The following TUT7 variants were observed in gnomAD, a reference collection of about 807,000 sequenced individuals.
The protein encoded by TUT7 is terminal uridylyl transferase 7.
A neutral mutation model predicts 165.9 loss-of-function variants in TUT7; 33 were observed. That is an observed-to-expected ratio of 0.20 (90% confidence interval 0.15 to 0.27). The LOEUF (loss-of-function observed/expected upper bound fraction) is 0.27, where lower values mean the gene tolerates loss of function less well. Ranked by LOEUF, TUT7 falls within the 10% of genes least tolerant of loss-of-function variation. The pLI is 1.00. For synonymous variants in TUT7, 552 were observed against 608.1 expected (o/e 0.91, Z 1.36); for missense variants, 1,338 against 1,762.3 (o/e 0.76, Z 4.31).
At chr9:86,306,684 G>A (rs1023280587) in intron 22 of TUT7, among the ~76,000 whole-genome samples, 1 of 152,200 alleles carries the variant, frequency 6.6e-6, no homozygotes, top group East Asian at 1.9e-4. Flanking sequence ...GTGTGTGCCT[G>A]TAGTCCCAGC....
chr9:86,312,761 T>C (rs1053444166), intron 17 of TUT7, among the ~76,000 whole-genome samples: 8 of 152,216 alleles, frequency 5.3e-5, no homozygotes, highest in African/African-American at 9.6e-5. Context: ...CATTTTGTTC[T>C]GTACTAAGAA....
chr9:86,327,868 A>C (rs992286200), intron 11 of TUT7, among the ~76,000 whole-genome samples: 1 of 152,204 alleles, frequency 6.6e-6, no homozygotes, highest in Non-Finnish European at 1.5e-5. Flanking sequence ...TCTTATTCTT[A>C]TTACTAGGAT....
intron 2 of TUT7, among the ~76,000 whole-genome samples, chr9:86,351,834 T>G (rs1832329934): frequency 6.6e-6 from 1 of 152,222 alleles, no homozygotes; most frequent in Admixed American, 6.5e-5. Flanking sequence ...TACAAGTCCA[T>G]GTTTCCAACT....
intron 22 of TUT7, among the ~76,000 whole-genome samples, chr9:86,305,614 A>T (rs1827393689): frequency 6.6e-6 from 1 of 152,218 alleles, no homozygotes; most frequent in Admixed American, 6.5e-5. Flanking sequence ...GATATTACTT[A>T]ATGACACTAG....
intron 26 of TUT7, among the ~76,000 whole-genome samples, chr9:86,299,227 G>A (rs1359891832): frequency 6.6e-6 from 1 of 152,178 alleles, no homozygotes; most frequent in Non-Finnish European, 1.5e-5. Flanking sequence ...TGGTTTCAAT[G>A]GGACAGGTGA....
At position 86,288,572 on chromosome 9, in the gene TUT7, A is replaced by T; in HGVS notation, c.*105T>A. Reference sequence around the variant, plus strand: ...AAATCTGACATTTCCCTTAAATGTTAAGTTGAAGCCTGATCTACACTGCTG... The same window carrying T: ...AAATCTGACATTTCCCTTAAATGTTTAGTTGAAGCCTGATCTACACTGCTG... On this transcript the variant is annotated 3_prime_UTR_variant, in exon 27 of 27. Transcript: ENST00000375963. 1 of 733,960 alleles carries T rather than the reference A, an allele frequency of 1.4e-6. No homozygotes were observed. Among genetic ancestry groups the T allele is most frequent in the Non-Finnish European group, 2.1e-6 (1 of 476,620 alleles). The allele number at this position is 733,960 out of a possible 1,614,324, so 45.5% of individuals were successfully genotyped here. A position where few individuals can be genotyped will look rare whatever the true frequency, so the allele number is the denominator to read the frequency against.
At chr9:86,328,194 C>T in intron 11 of TUT7, 146 bp downstream of exon 11, 1 of 646,852 alleles carries the variant, frequency 1.5e-6, no homozygotes, top group Non-Finnish European at 2.4e-6. Context: ...TTTCTCATTA[C>T]TTGTCTGTTC....
intron 26 of TUT7, among the ~76,000 whole-genome samples, chr9:86,295,335 A>C (rs1826217971): frequency 6.6e-6 from 1 of 152,174 alleles, no homozygotes; most frequent in Admixed American, 6.5e-5. Context: ...TAAAATGTCA[A>C]TATTTACAGC....
At chr9:86,304,804 A>G (rs1827300340) in intron 24 of TUT7, 52 bp downstream of exon 24, 1 of 1,269,756 alleles carries the variant, frequency 7.9e-7, no homozygotes, top group South Asian at 1.3e-5. Context: ...GATGTGTACA[A>G]ATTAGGCACT....
chr9:86,322,949 C>G lies in TUT7; in HGVS notation c.2801G>C (p.Cys934Ser), dbSNP rs775812052. 6.2e-7 allele frequency: 1 copy of G among 1,612,826 alleles called. No homozygotes were observed. The highest frequency in any genetic ancestry group is 1.1e-5 in the South Asian group (1 of 90,702). ...ATCCACAGGTGAATTTTTTTCTTCA[C>G]ATACATTTTCTTCCTTGAGACTTAT... ...NKISLKEENV[C>S]EEKNSPVDQS... is the part of the protein sequence containing the mutation. Residue 934 changes from cysteine to serine, a missense_variant, in exon 13 of 27, where the codon TGT becomes TCT. This residue lies in a region of TUT7 where 425 missense variants were observed against 474.9 expected (regional missense o/e 0.89). Coordinates refer to ENST00000375963, the MANE Select transcript of TUT7 (RefSeq NM_024617.4).
intron 5 of TUT7, among the ~76,000 whole-genome samples, chr9:86,344,702 C>T (rs1831604798): frequency 1.3e-5 from 2 of 150,772 alleles, no homozygotes; most frequent in Admixed American, 1.3e-4. Flanking sequence ...CATACATACA[C>T]AAGAGTCCCA....
Position 86,325,468 on chromosome 9 carries a change from C to T in TUT7, c.1655G>A (p.Gly552Glu). 1 of 1,613,774 alleles carries T rather than the reference C, an allele frequency of 6.2e-7. No individual in the cohort carries two copies. Among genetic ancestry groups the T allele is most frequent in the Non-Finnish European group, 8.5e-7 (1 of 1,179,856 alleles). ...DVKHQPSVPV[G>E]QLWVELLRFY... is the part of the protein sequence containing the mutation. ...CCGCAGCAATTCCACCCAGAGCTGC[C>T]CAACTGGTACTGAAGGCTGGTGTTT... Residue 552 changes from glycine (G) to glutamate (E), a missense_variant, in exon 12 of 27, where the codon GGG (glycine) becomes GAG (glutamate). Gly to Glu is a moderately conservative substitution (Grantham distance 98). Coordinates refer to ENST00000375963, the MANE Select transcript of TUT7 (RefSeq NM_024617.4).
chr9:86,296,406 C>T (rs1297932866), intron 26 of TUT7, among the ~76,000 whole-genome samples: 2 of 152,100 alleles, frequency 1.3e-5, no homozygotes, highest in Non-Finnish European at 2.9e-5. Context: ...TCAATAAAAC[C>T]TACTGAATAT....
rs1228233994 is a variant in TUT7 at position 86,322,439 on chromosome 9, C to A, written c.2914G>T (p.Gly972Cys). 6.2e-7 allele frequency: 1 copy of A among 1,613,758 alleles called. No individual in the cohort carries two copies. Among genetic ancestry groups the A allele is most frequent in the South Asian group, 1.1e-5 (1 of 91,044 alleles). Residue 972 changes from glycine to cysteine, a missense_variant, in exon 14 of 27, where the codon GGT becomes TGT. This residue lies in a region of TUT7 where 425 missense variants were observed against 474.9 expected (regional missense o/e 0.89). Transcript: ENST00000375963. Reference protein sequence around the residue: ...TVVCSLCKREGHLKKDCPEDF... With the variant: ...TVVCSLCKRECHLKKDCPEDF... Reference sequence around the variant, plus strand: ...TCAGGACAGTCCTTCTTTAGATGACCCTCTCGTTTGCATAAGCTGCACACT... The same window carrying A: ...TCAGGACAGTCCTTCTTTAGATGACACTCTCGTTTGCATAAGCTGCACACT...
In TUT7 at chr9:86,340,093, T is replaced by C. The variant is rs763959648; in HGVS notation, c.1151A>G (p.Asp384Gly). Residue 384 changes from aspartate (D) to glycine (G), a missense_variant, in exon 8 of 27, where the codon GAT becomes GGT. Transcript: ENST00000375963. ...CCTAGCATGGAAGTCTGCATCAACA[T>C]CAATAAAGGAGTCTGAGGAAAGAAG... Reference protein sequence around the residue: ...ECLKNSDSFIDVDADFHARVP... With the variant: ...ECLKNSDSFIGVDADFHARVP... 3 of 1,613,638 alleles carry C rather than the reference T, an allele frequency of 1.9e-6. No homozygotes were observed. Among genetic ancestry groups the C allele is most frequent in the East Asian group, 2.2e-5 (1 of 44,840 alleles).
chr9:86,298,788 T>A (rs1826601622), intron 26 of TUT7: 2 of 985,042 alleles, frequency 2.0e-6, no homozygotes, highest in African/African-American at 3.5e-5. Context: ...CTCAAAAATA[T>A]TGTTGTTTTT....
intron 26 of TUT7, among the ~76,000 whole-genome samples, chr9:86,294,381 A>G (rs1480132475): frequency 2.6e-5 from 4 of 151,982 alleles, no homozygotes; most frequent in Admixed American, 2.6e-4. Context: ...TTTAGCTTTC[A>G]TAAAATTACA....
Position 86,343,066 on chromosome 9 carries a change from T to G in TUT7, c.1086+9A>C, listed in dbSNP as rs369987036. The G allele has an allele frequency of 1.6e-5, 26 of 1,580,334 alleles. No homozygotes were observed. Among genetic ancestry groups the G allele is most frequent in the Non-Finnish European group, 2.2e-5 (25 of 1,156,312 alleles). On this transcript the variant is annotated intron_variant, in intron 6 of 26. Transcript: ENST00000375963. ...CTCTGAAAGTGCCAGCATTTCATTT[T>G]GTACTTACAATGGCTGGAAACTGGA...
chr9:86,302,187 CACT>C (rs994431150), intron 25 of TUT7, among the ~76,000 whole-genome samples: 9 of 152,068 alleles, frequency 5.9e-5, no homozygotes, highest in East Asian at 1.9e-4. Flanking sequence ...AAAACACCAC[CACT>C]ACCACCCAAA....
Sources: allele counts gnomAD v4.1 joint callset (sites outside exome capture counted in the v4.1 genomes callset), GRCh38; gene constraint gnomAD v4.1.1; regional missense constraint gnomAD v4.1.1; transcripts MANE v1.5; gene names NCBI Gene and HGNC (gene_info 2026-07-23, HGNC 2026-07-21).